The following DDX19B variants were observed in gnomAD, a reference collection of about 807,000 sequenced individuals.
The protein encoded by DDX19B is ATP-dependent RNA helicase DDX19B.
A neutral mutation model predicts 58.1 loss-of-function variants in DDX19B; 27 were observed. That is an observed-to-expected ratio of 0.46 (90% CI 0.34 to 0.64). The LOEUF (loss-of-function observed/expected upper bound fraction) is 0.64, where lower values mean the gene tolerates loss of function less well. Among genes scored for constraint, DDX19B ranks in the 30% least tolerant of loss-of-function variants. The pLI, the probability that DDX19B is intolerant of heterozygous loss-of-function variation, is 0.01. For synonymous variants in DDX19B, 187 were observed against 214.4 expected, an observed-to-expected ratio of 0.87 and a Z score of 1.12; for missense variants, 399 against 596.5, an observed-to-expected ratio of 0.67 and a Z score of 3.45.
intron 5 of DDX19B, 88 bp downstream of exon 5, chr16:70,317,676 T>C: frequency 1.1e-5 from 13 of 1,225,814 alleles, no homozygotes; most frequent in South Asian, 7.1e-5. Context: ...AGGTGGCTTA[T>C]GCCTATAATC....
At position 70,333,869 on chromosome 16, in the gene DDX19B, T is replaced by C; in HGVS notation, c.*287T>C. ...TTGGCCAGTGTTTCCTTCATGCTAATCTAGATGCTGTGGCTGATTACTTGC... is the reference window on the plus strand; with the variant it reads ...TTGGCCAGTGTTTCCTTCATGCTAACCTAGATGCTGTGGCTGATTACTTGC... On this transcript the variant is annotated 3_prime_UTR_variant, in exon 12 of 12. Transcript: ENST00000288071. The C allele has an allele frequency of 2.0e-6, 1 of 508,860 alleles. No homozygotes were observed. Among genetic ancestry groups the C allele is most frequent in the Non-Finnish European group, 3.5e-6 (1 of 284,304 alleles). 31.5% of individuals were successfully genotyped at this position (508,860 alleles called of 1,614,324 possible).
At position 70,314,954 on chromosome 16, in the gene DDX19B, A is replaced by G. The variant is rs548314087; in HGVS notation, c.159A>G (p.Lys53=). The change falls in exon 3 of 12, where the codon AAA becomes AAG. Residue 53 remains lysine (K), a splice_region_variant and synonymous_variant. Transcript: ENST00000288071. ...ANAEKTDEEE[K]EDRAAQSLLN... ...CAGAGAAGACAGATGAAGAAGAGAA[A>G]GGTAACACAGCCGTGGAGCTTTATA... is the stretch of plus-strand genomic sequence containing the variant. The G allele has an allele frequency of 5.6e-6, 9 of 1,608,494 alleles. No homozygotes were observed. In the Middle Eastern group the frequency reaches 5.0e-4, roughly 89 times the overall value.
intron 2 of DDX19B, among the ~76,000 whole-genome samples, chr16:70,312,889 G>A (rs928069392): frequency 6.6e-5 from 10 of 152,178 alleles, no homozygotes; most frequent in African/African-American, 9.7e-5. Flanking sequence ...TGTTGCCCAG[G>A]CTGGAGTGCA....
intron 4 of DDX19B, 31 bp downstream of exon 4, chr16:70,316,135 C>T: frequency 1.2e-6 from 2 of 1,613,358 alleles, no homozygotes; most frequent in Non-Finnish European, 1.7e-6. Context: ...TGACTCTTCC[C>T]CTTTGCACTG....
intron 1 of DDX19B, among the ~76,000 whole-genome samples, chr16:70,310,296 G>A (rs192323517): frequency 9.9e-5 from 15 of 152,016 alleles, no homozygotes; most frequent in Admixed American, 7.2e-4. Flanking sequence ...CAGGAGAATC[G>A]TTTGAACCCA....
chr16:70,313,544 C>T (rs560867763), intron 2 of DDX19B, among the ~76,000 whole-genome samples: 1 of 152,282 alleles, frequency 6.6e-6, no homozygotes, highest in East Asian at 1.9e-4. Flanking sequence ...GGACTAATTA[C>T]TAACCATCGG....
upstream of DDX19B, chr16:70,295,067 G>A (rs914792397): frequency 7.8e-6 from 10 of 1,286,774 alleles, no homozygotes; most frequent in Non-Finnish European, 8.9e-6. Context: ...CATCTGTGAG[G>A]TGGGTACTTC....
At chr16:70,318,391 A>G (rs1488404713) in intron 5 of DDX19B, among the ~76,000 whole-genome samples, 1 of 151,692 alleles carries the variant, frequency 6.6e-6, no homozygotes, top group Non-Finnish European at 1.5e-5. Flanking sequence ...CAAAAAAAAA[A>G]AAGAAAAGAA....
chr16:70,329,393 A>G lies in DDX19B; in HGVS notation c.709A>G (p.Lys237Glu), dbSNP rs769173995. ...CAAGTTCATTGATCCCAAGAAAATC[A>G]AGGTGTTTGTTCTGGATGAGGCTGA... ...KLKFIDPKKI[K>E]VFVLDEADVM... is the part of the protein sequence containing the mutation. Residue 237 changes from lysine (K) to glutamate (E), a missense_variant, in exon 8 of 12, where the codon AAG becomes GAG. By Grantham distance (56) the Lys-to-Glu change is moderately conservative. Coordinates refer to ENST00000288071, the MANE Select transcript of DDX19B (RefSeq NM_007242.7). The G allele has an allele frequency of 6.2e-7, 1 of 1,613,896 alleles. No individual in the cohort carries two copies. Among genetic ancestry groups the G allele is most frequent in the Non-Finnish European group, 8.5e-7 (1 of 1,179,962 alleles).
intron 1 of DDX19B, among the ~76,000 whole-genome samples, chr16:70,302,164 G>T (rs993278056): frequency 2.0e-5 from 3 of 151,810 alleles, no homozygotes; most frequent in Non-Finnish European, 4.4e-5. Context: ...CAAGTGATCC[G>T]CATGCCTCAG....
intron 5 of DDX19B, among the ~76,000 whole-genome samples, chr16:70,324,178 G>C (rs1963009271): frequency 6.6e-6 from 1 of 151,982 alleles, no homozygotes; most frequent in African/African-American, 2.4e-5. Flanking sequence ...TTTGGGCAGA[G>C]AAGTAATGTG....
At chr16:70,293,705 G>A (rs371192904), upstream of DDX19B, among the ~76,000 whole-genome samples, 2 of 144,088 alleles carry the variant, frequency 1.4e-5, no homozygotes, top group African/African-American at 5.2e-5. Flanking sequence ...TCCGCTTCCT[G>A]GGTTCACGCC....
chr16:70,295,115 C>T, upstream of DDX19B: 3 of 1,227,350 alleles, frequency 2.4e-6, no homozygotes, highest in Non-Finnish European at 3.1e-6. Context: ...GCTAGGCTCA[C>T]GTGGGAATAA....
upstream of DDX19B, among the ~76,000 whole-genome samples, chr16:70,292,186 T>C (rs1015484012): frequency 3.3e-5 from 5 of 151,756 alleles, no homozygotes; most frequent in African/African-American, 1.2e-4. Context: ...TGAGGCAGAG[T>C]TTCACTCTTG....
chr16:70,327,541 A>G (rs1197754345), intron 7 of DDX19B, among the ~76,000 whole-genome samples: 1 of 149,232 alleles, frequency 6.7e-6, no homozygotes, highest in Non-Finnish European at 1.5e-5. Flanking sequence ...TCAAAACAAA[A>G]CAAACAAAAA....
intron 1 of DDX19B, among the ~76,000 whole-genome samples, chr16:70,303,452 A>G (rs1246548140): frequency 2.0e-5 from 3 of 151,912 alleles, no homozygotes; most frequent in Admixed American, 6.6e-5. Flanking sequence ...CCTTTATCGG[A>G]TATGTTTTGC....
At chr16:70,304,354 T>C (rs1337119483) in intron 1 of DDX19B, among the ~76,000 whole-genome samples, 1 of 150,206 alleles carries the variant, frequency 6.7e-6, no homozygotes, top group African/African-American at 2.5e-5. Context: ...CATCTGTTCA[T>C]CTTTTTCACA....
rs544912514 is a variant in DDX19B at position 70,333,660 on chromosome 16, G to A, written c.*78G>A. ...CAAGTGCGTTCAGGGCACAGGCCCC[G>A]ACATCACCCCAAGGACAACGGCACA... On this transcript the variant is annotated 3_prime_UTR_variant, in exon 12 of 12. Transcript: ENST00000288071. 230 of 1,606,190 alleles carry A rather than the reference G, an allele frequency of 1.4e-4. No individual in the cohort carries two copies. The highest frequency in any genetic ancestry group is 1.6e-4 in the Non-Finnish European group (192 of 1,173,056).
chr16:70,327,483 A>G (rs186691868), intron 7 of DDX19B, among the ~76,000 whole-genome samples: 21 of 152,226 alleles, frequency 1.4e-4, no homozygotes, highest in Admixed American at 4.6e-4. Flanking sequence ...CAGTGAGCCA[A>G]GATCGTGCCA....
Sources: gnomAD v4.1 joint callset for allele counts (sites outside exome capture counted in the v4.1 genomes callset) on GRCh38, gnomAD v4.1.1 for gene constraint, MANE v1.5 for transcripts, NCBI Gene and HGNC (gene_info 2026-07-23, HGNC 2026-07-21) for gene names.